PPM1H: variants seen among roughly 807,000 people sequenced by gnomAD.
PPM1H encodes the protein protein phosphatase 1H.
PPM1H carries 27 observed loss-of-function variants against 54.9 expected under a neutral mutation model. The ratio of observed to expected loss-of-function variants is 0.49; its 90% CI spans 0.36 to 0.68. The LOEUF is 0.68. PPM1H is among the 30% of genes least tolerant of loss of function. The pLI, the probability that PPM1H is intolerant of heterozygous loss-of-function variation, is 0.00. For missense variants in PPM1H, 596 were observed against 667.8 expected (o/e 0.89, Z 1.19); for synonymous variants, 305 against 270.8 (o/e 1.13, Z -1.24).
At chr12:62,874,899 C>G (rs1034296327) in intron 1 of PPM1H, among the ~76,000 whole-genome samples, 4 of 152,186 alleles carry the variant, frequency 2.6e-5, no homozygotes, top group Admixed American at 2.6e-4. Context: ...AACACTCACC[C>G]TTGGGTTTCT....
intron 4 of PPM1H, chr12:62,756,223 C>G: frequency 1.2e-6 from 1 of 819,070 alleles, no homozygotes; most frequent in South Asian, 1.3e-5. Flanking sequence ...CACATGACTT[C>G]CAAGGAGTAA....
chr12:62,704,193 T>C (rs949981893), intron 6 of PPM1H, among the ~76,000 whole-genome samples: 3 of 152,134 alleles, frequency 2.0e-5, no homozygotes, highest in African/African-American at 7.2e-5. Context: ...GAGGCATGCT[T>C]AACAACAGCA....
At chr12:62,883,639 T>G (rs1362615796) in intron 1 of PPM1H, among the ~76,000 whole-genome samples, 1 of 152,172 alleles carries the variant, frequency 6.6e-6, no homozygotes, top group Non-Finnish European at 1.5e-5. Flanking sequence ...AAGAACATAC[T>G]AGAAGCAAGA....
In PPM1H at chr12:62,648,244, A is replaced by C. The variant is rs935448056; in HGVS notation, c.*245T>G. On this transcript the variant is annotated 3_prime_UTR_variant, in exon 10 of 10. Transcript: ENST00000228705. ...GCCACCTCGGAGGCCTATGAAAGGAACTGAAATACAACAACACTTGGTAGC... is the reference window on the plus strand; with the variant it reads ...GCCACCTCGGAGGCCTATGAAAGGACCTGAAATACAACAACACTTGGTAGC... 2 of 457,918 alleles carry C rather than the reference A, an allele frequency of 4.4e-6. No individual in the cohort carries two copies. The highest frequency in any genetic ancestry group is 3.9e-5 in the African/African-American group (2 of 51,502). The allele number at this position is 457,918 out of a possible 1,614,324, so 28.4% of individuals were successfully genotyped here. A position where few individuals can be genotyped will look rare whatever the true frequency, so the allele number is the denominator to read the frequency against.
intron 1 of PPM1H, among the ~76,000 whole-genome samples, chr12:62,891,084 G>A (rs1278249265): frequency 2.8e-5 from 4 of 144,230 alleles, no homozygotes; most frequent in Non-Finnish European, 3.0e-5. Flanking sequence ...ACTCCAGTCT[G>A]GGCAACAGAG....
At chr12:62,756,300 C>G in intron 4 of PPM1H, 1 of 591,512 alleles carries the variant, frequency 1.7e-6, no homozygotes, top group Non-Finnish European at 3.2e-6. Flanking sequence ...GCTGGGAAGT[C>G]CCTGCCATAC....
intron 2 of PPM1H, among the ~76,000 whole-genome samples, chr12:62,817,116 T>TAAAAAAAAAAAAAAAAAGAAAAAA (rs2076870732): frequency 7.2e-5 from 3 of 41,790 alleles, no homozygotes; most frequent in Admixed American, 3.6e-4. Context: ...ACTGCATTAC[T>TAAAAAAAAAAAAAAAAAGAAAAAA]AAAAAAAAAA....
At chr12:62,736,712 C>T (rs1226471401) in intron 5 of PPM1H, among the ~76,000 whole-genome samples, 3 of 152,184 alleles carry the variant, frequency 2.0e-5, no homozygotes, top group Admixed American at 6.5e-5. Context: ...ATGGGCACTA[C>T]TTTAGCTGTG....
At chr12:62,897,552 T>C (rs973729562) in intron 1 of PPM1H, among the ~76,000 whole-genome samples, 1 of 152,116 alleles carries the variant, frequency 6.6e-6, no homozygotes, top group Non-Finnish European at 1.5e-5. Flanking sequence ...CAGGTGTCCA[T>C]ACCCTGTAAG....
At chr12:62,802,312 AAAAC>A (rs962087150) in intron 2 of PPM1H, among the ~76,000 whole-genome samples, 152 bp from the exon 3 acceptor site, 8 of 150,824 alleles carry the variant, frequency 5.3e-5, no homozygotes, top group Admixed American at 2.0e-4. Context: ...AAAACAAAAT[AAAAC>A]AAACAAAAAC....
At chr12:62,796,850 C>G (rs976070202) in intron 3 of PPM1H, among the ~76,000 whole-genome samples, 2 of 152,210 alleles carry the variant, frequency 1.3e-5, no homozygotes, top group African/African-American at 4.8e-5. Context: ...CACCTGACAT[C>G]TACATTATCA....
At chr12:62,932,610 G>A (rs576171257) in intron 1 of PPM1H, among the ~76,000 whole-genome samples, 13 of 127,418 alleles carry the variant, frequency 1.0e-4, no homozygotes, top group Admixed American at 1.7e-4. Flanking sequence ...TTGCTGTCTC[G>A]TAAAGGGTCC....
At chr12:62,683,032 A>ATT (rs201636860) in intron 8 of PPM1H, among the ~76,000 whole-genome samples, 2 of 126,356 alleles carry the variant, frequency 1.6e-5, no homozygotes, top group African/African-American at 2.9e-5. Context: ...AGAGTTTATT[A>ATT]TTTATTATTA....
Position 62,831,697 on chromosome 12 carries a change from T to TTGTGTGTGTG in PPM1H, c.411+416_411+417insCACACACACA, listed in dbSNP as rs1225248619. 4.3e-3 allele frequency among the ~76,000 whole-genome samples: 642 copies of TTGTGTGTGTG among 149,570 alleles called. 3 individuals are homozygous for TTGTGTGTGTG. The highest frequency in any genetic ancestry group is 0.024 in the Middle Eastern group (7 of 292). On this transcript the variant is annotated intron_variant, in intron 2 of 9. Transcript: ENST00000228705. ...GTGGCTCCTTTGAAACCGTCAAACA[T>TTGTGTGTGTG]TGTGTGTGTATGTGTGTGTGTGTGT...
intron 2 of PPM1H, 48 bp downstream of exon 2, chr12:62,832,066 G>T (rs772878385): frequency 1.8e-4 from 282 of 1,587,304 alleles, no homozygotes; most frequent in Non-Finnish European, 2.4e-4. Flanking sequence ...GGACCAAAGT[G>T]TGTGCCATTC....
intron 6 of PPM1H, among the ~76,000 whole-genome samples, chr12:62,701,517 T>C (rs1344930545): frequency 3.3e-5 from 5 of 152,214 alleles, no homozygotes; most frequent in Non-Finnish European, 4.4e-5. Flanking sequence ...CCCACATTTC[T>C]CTTTTAATCC....
chr12:62,713,377 G>T (rs1254292766), intron 6 of PPM1H, among the ~76,000 whole-genome samples: 2 of 152,312 alleles, frequency 1.3e-5, no homozygotes, highest in African/African-American at 4.8e-5. Flanking sequence ...ATAGGGGAGA[G>T]AGCTGAAAGA....
At chr12:62,721,368 A>G (rs567589233) in intron 5 of PPM1H, among the ~76,000 whole-genome samples, 2 of 152,314 alleles carry the variant, frequency 1.3e-5, no homozygotes, top group Admixed American at 1.3e-4. Flanking sequence ...ATTTGCCCAG[A>G]TATGGAACTC....
chr12:62,683,272 G>A (rs4309201), intron 8 of PPM1H, among the ~76,000 whole-genome samples: 21,106 of 151,738 alleles, frequency 0.14, 1,763 homozygotes, highest in East Asian at 0.27. Context: ...TCCAGAAGCC[G>A]GTGGGGAAGG....
Sources: allele counts gnomAD v4.1 joint callset (sites outside exome capture counted in the v4.1 genomes callset), GRCh38; gene constraint gnomAD v4.1.1; transcripts MANE v1.5; gene names NCBI Gene and HGNC (gene_info 2026-07-23, HGNC 2026-07-21).